The following NECAB3 variants were observed in gnomAD, a reference collection of about 807,000 sequenced individuals.
NECAB3 encodes N-terminal EF-hand calcium binding protein 3.
Under a neutral mutation model 57.2 loss-of-function variants are expected in NECAB3, and 38 were observed. That is an observed-to-expected ratio of 0.66 (90% confidence interval 0.51 to 0.87). The LOEUF is 0.87. NECAB3 is among the 40% of genes least tolerant of loss of function. The pLI is 0.00. For synonymous variants in NECAB3, 223 were observed against 222.6 expected (o/e 1.00, Z -0.02); for missense variants, 474 against 527.5 (o/e 0.90, Z 0.99).
intron 4 of NECAB3, 45 bp downstream of exon 4, chr20:33,669,642 G>C: frequency 6.4e-7 from 1 of 1,563,242 alleles, no homozygotes; most frequent in East Asian, 2.3e-5. Context: ...CGTACCCTGG[G>C]GCCCAGGGGC....
intron 5 of NECAB3, chr20:33,663,885 C>T (rs2017575593): frequency 5.1e-6 from 7 of 1,380,546 alleles, no homozygotes; most frequent in Non-Finnish European, 6.5e-6. Flanking sequence ...GCCCGGACCC[C>T]GCCCAATAAA....
At chr20:33,663,811 G>C in intron 5 of NECAB3, 4 of 1,385,492 alleles carry the variant, frequency 2.9e-6, no homozygotes, top group Non-Finnish European at 2.8e-6. Context: ...CCGCGAAGCC[G>C]GCCCCGCCGA....
chr20:33,667,666 C>T, intron 5 of NECAB3: 4 of 1,611,198 alleles, frequency 2.5e-6, no homozygotes, highest in Non-Finnish European at 3.4e-6. Flanking sequence ...GCGCTACCTG[C>T]GGGATCTGCT....
At chr20:33,667,758 G>C (rs1181719357) in intron 5 of NECAB3, 1 of 1,612,474 alleles carries the variant, frequency 6.2e-7, no homozygotes, top group Non-Finnish European at 8.5e-7. Flanking sequence ...GCTGCTACGT[G>C]TCCCTGGACT....
intron 8 of NECAB3, 89 bp downstream of exon 8, chr20:33,659,408 G>T: frequency 8.3e-7 from 1 of 1,204,492 alleles, no homozygotes; most frequent in Middle Eastern, 2.0e-4. Flanking sequence ...CACTGCAGAG[G>T]GTTGGTGGGC....
chr20:33,667,536 C>T (rs1395612251), intron 5 of NECAB3: 2 of 1,542,282 alleles, frequency 1.3e-6, no homozygotes, highest in East Asian at 2.4e-5. Flanking sequence ...GCTCCACCGG[C>T]GCGTTCAGCG....
At chr20:33,669,565 C>T (rs1227956573) in intron 4 of NECAB3, 93 bp from the exon 5 acceptor site, 2 of 1,551,712 alleles carry the variant, frequency 1.3e-6, no homozygotes, top group Non-Finnish European at 1.8e-6. Flanking sequence ...AGCAGCCAAG[C>T]AGGCCTTATA....
rs1274209919 is a variant in NECAB3, at chr20:33,659,973, G to A, written c.555C>T (p.Ser185=). ...RSDAESVEAQ[S]RLCGSRRAGR... is the part of the protein sequence containing the mutation. The stretch of plus-strand genomic sequence containing the variant: ...CTGCCCGCCGGCTGCCGCAGAGCCT[G>A]CTCTGCGCCTCCACGCTCTCTGCAT... Residue 185 remains serine, a synonymous_variant, in exon 7 of 12, where the codon AGC becomes AGT. Coordinates refer to ENST00000246190, the MANE Select transcript of NECAB3 (RefSeq NM_031232.4). 6.4e-7 allele frequency: 1 copy of A among 1,565,762 alleles called. No homozygotes were observed. Among genetic ancestry groups the A allele is most frequent in the Non-Finnish European group, 8.6e-7 (1 of 1,158,130 alleles).
At chr20:33,671,999 G>C (rs2017838135) in intron 2 of NECAB3, 1 of 215,492 alleles carries the variant, frequency 4.6e-6, no homozygotes, top group South Asian at 8.2e-5. Flanking sequence ...ACCCAAGTTC[G>C]AGCCTATCAA....
intron 10 of NECAB3, 87 bp downstream of exon 10, chr20:33,658,390 G>A: frequency 2.2e-6 from 3 of 1,371,410 alleles, no homozygotes; most frequent in Middle Eastern, 3.6e-4. Context: ...CACAGAGCCA[G>A]TGAGCGGGAG....
intron 2 of NECAB3, among the ~76,000 whole-genome samples, chr20:33,671,727 T>A (rs2017830692): frequency 6.6e-6 from 1 of 152,068 alleles, no homozygotes; most frequent in African/African-American, 2.4e-5. Context: ...AGCTTCCAAG[T>A]TTCTCCCAGA....
At chr20:33,675,126 G>C (rs2017930783), upstream of NECAB3, 1 of 152,526 alleles carries the variant, frequency 6.6e-6, no homozygotes, top group Non-Finnish European at 1.5e-5. Context: ...TCCTGCCCAA[G>C]GCCTTTGCCC....
rs1188847029 is a variant in NECAB3 at position 33,657,367 on chromosome 20, C to G, written c.*462G>C. The G allele has an allele frequency of 5.9e-6, 1 of 168,574 alleles. No homozygotes were observed. The highest frequency in any genetic ancestry group is 2.4e-5 in the African/African-American group (1 of 42,260). The allele number at this position is 168,574 out of a possible 1,614,324, so 10.4% of individuals were successfully genotyped here. On this transcript the variant is annotated 3_prime_UTR_variant, in exon 12 of 12. Coordinates refer to ENST00000246190, the MANE Select transcript of NECAB3 (RefSeq NM_031232.4). ...GACGGGGCACCCAGCTCAGGCCCAG[C>G]CTCGGAGGCAAGGTTTGAGGGTTGG...
chr20:33,661,814 CTAA>C (rs2017483829), intron 5 of NECAB3, among the ~76,000 whole-genome samples: 1 of 152,170 alleles, frequency 6.6e-6, no homozygotes, highest in Non-Finnish European at 1.5e-5. Flanking sequence ...CCACACCTGG[CTAA>C]TGTTTGTATT....
chr20:33,672,341 C>T, intron 2 of NECAB3, 57 bp downstream of exon 2: 1 of 1,606,690 alleles, frequency 6.2e-7, no homozygotes, highest in Non-Finnish European at 8.5e-7. Context: ...TCTCCCTGGG[C>T]CTCCTGGATG....
At chr20:33,670,067 T>G (rs1002697571) in intron 3 of NECAB3, 10 of 269,402 alleles carry the variant, frequency 3.7e-5, no homozygotes, top group Non-Finnish European at 6.9e-5. Flanking sequence ...GGGTATTTAG[T>G]TGTAGGTTAG....
chr20:33,659,834 G>A (rs931394598), intron 7 of NECAB3, 51 bp downstream of exon 7: 1 of 1,534,898 alleles, frequency 6.5e-7, no homozygotes, highest in Admixed American at 2.0e-5. Context: ...TGGGGGAAGG[G>A]GGGATGCGGT....
rs374372890 is a variant in NECAB3, at chr20:33,659,921, G to T, written c.607C>A (p.Arg203=). The change falls in exon 7 of 12, where the codon CGG becomes AGG. Residue 203 remains arginine, a synonymous_variant. Coordinates refer to ENST00000246190, the MANE Select transcript of NECAB3 (RefSeq NM_031232.4). ...AGRRALRSVS[R]SSTWSPGSSD... ...GAGCCGGGGGACCAGGTGGATGACC[G>T]GCTGACACTCCTCAGGGCTCGGCGT... is the stretch of plus-strand genomic sequence containing the variant. The T allele has an allele frequency of 1.6e-4, 247 of 1,548,896 alleles. No homozygotes were observed. Among genetic ancestry groups the T allele is most frequent in the Non-Finnish European group, 2.1e-4 (237 of 1,148,802 alleles).
intron 2 of NECAB3, 171 bp downstream of exon 2, chr20:33,672,227 T>C: frequency 1.3e-6 from 1 of 764,652 alleles, no homozygotes; most frequent in Non-Finnish European, 2.2e-6. Flanking sequence ...CCTGCCAAAC[T>C]TGGCTGAGAA....
Sources: allele counts gnomAD v4.1 joint callset (sites outside exome capture counted in the v4.1 genomes callset), GRCh38; gene constraint gnomAD v4.1.1; transcripts MANE v1.5; gene names NCBI Gene and HGNC (gene_info 2026-07-23, HGNC 2026-07-21).